TRIP12: variants seen among roughly 807,000 people sequenced by gnomAD.
TRIP12 encodes the protein thyroid hormone receptor interactor 12.
In TRIP12, 25 loss-of-function variants were observed where a neutral mutation model predicts 244.2. The ratio of observed to expected loss-of-function variants is 0.10; its 90% CI spans 0.07 to 0.14. The LOEUF is 0.14. Among genes scored for constraint, TRIP12 ranks in the 10% least tolerant of loss-of-function variants. The pLI is 1.00. For synonymous variants in TRIP12, 905 were observed against 873.1 expected (o/e 1.04, Z -0.64); for missense variants, 1,677 against 2,486.4 (o/e 0.67, Z 6.92).
intron 1 of TRIP12, among the ~76,000 whole-genome samples, chr2:229,904,220 C>A (rs944935967): frequency 6.6e-6 from 1 of 151,824 alleles, no homozygotes; most frequent in Non-Finnish European, 1.5e-5. Flanking sequence ...AAGTTTGAAA[C>A]CAACCCAGTC....
chr2:229,849,694 C>G (rs2058275192), intron 4 of TRIP12, among the ~76,000 whole-genome samples: 1 of 151,782 alleles, frequency 6.6e-6, no homozygotes, highest in South Asian at 2.1e-4. Flanking sequence ...GAGACCTCAT[C>G]TCTACAAAAA....
At chr2:229,797,286 G>A (rs1198937626) in intron 24 of TRIP12, among the ~76,000 whole-genome samples, 1 of 151,984 alleles carries the variant, frequency 6.6e-6, no homozygotes, top group Admixed American at 6.6e-5. Context: ...CAGATGAAAC[G>A]TAAAACACTT....
chr2:229,825,206 G>T (rs2154293743), intron 8 of TRIP12, among the ~76,000 whole-genome samples: 1 of 152,268 alleles, frequency 6.6e-6, no homozygotes, highest in East Asian at 1.9e-4. Flanking sequence ...TGGGAATTAG[G>T]ACACTCACCA....
intron 33 of TRIP12, among the ~76,000 whole-genome samples, chr2:229,787,098 T>C (rs2040287030): frequency 1.3e-5 from 2 of 152,218 alleles, no homozygotes; most frequent in South Asian, 2.1e-4. Context: ...GCTCTTCTAA[T>C]TGGAGTGACT....
chr2:229,803,425 T>C (rs970966275), intron 20 of TRIP12, 146 bp downstream of exon 20: 10 of 521,614 alleles, frequency 1.9e-5, no homozygotes, highest in Non-Finnish European at 3.2e-5. Context: ...AAAAGACACA[T>C]TCTACGTACA....
intron 8 of TRIP12, among the ~76,000 whole-genome samples, chr2:229,826,739 G>A (rs887187335): frequency 6.6e-6 from 1 of 152,100 alleles, no homozygotes; most frequent in East Asian, 1.9e-4. Context: ...ATAGGCAGTT[G>A]TAATGCGTAT....
Position 229,836,861 on chromosome 2 carries a change from G to C in TRIP12, c.1257C>G (p.Pro419=), listed in dbSNP as rs780163352. ...GTACCAATCTACCTGCAGCTCCTTG[G>C]GGAGCTTCATCTGTCCGAGCAGCTG... is the stretch of plus-strand genomic sequence containing the variant. The part of the protein sequence containing the change: ...NSSAARTDEA[P]QGAAASSSVA... The change falls in exon 6 of 42, where the codon CCC becomes CCG. Residue 419 remains proline (P), a synonymous_variant. Coordinates refer to ENST00000675903, the MANE Select transcript of TRIP12 (RefSeq NM_001348323.3). 2.5e-6 allele frequency: 4 copies of C among 1,591,814 alleles called. No individual in the cohort carries two copies. Among genetic ancestry groups the C allele is most frequent in the Non-Finnish European group, 3.4e-6 (4 of 1,173,326 alleles).
chr2:229,897,096 C>T (rs1355948438), intron 1 of TRIP12, among the ~76,000 whole-genome samples: 1 of 152,070 alleles, frequency 6.6e-6, no homozygotes, highest in Non-Finnish European at 1.5e-5. Flanking sequence ...AATCTCTGTA[C>T]CTTCAGCTGA....
intron 8 of TRIP12, among the ~76,000 whole-genome samples, chr2:229,824,560 T>C (rs1302953545): frequency 2.0e-5 from 3 of 152,084 alleles, no homozygotes; most frequent in African/African-American, 7.2e-5. Flanking sequence ...ACTATATAAA[T>C]AAACTATGTA....
intron 12 of TRIP12, 94 bp from the exon 13 acceptor site, chr2:229,814,125 A>C: frequency 6.6e-7 from 1 of 1,525,016 alleles, no homozygotes; most frequent in Non-Finnish European, 8.9e-7. Flanking sequence ...TTACTCTGGA[A>C]ACAACATTTG....
chr2:229,811,066 AG>A, intron 14 of TRIP12, 21 bp from the exon 15 acceptor site: 3 of 1,613,746 alleles, frequency 1.9e-6, no homozygotes, highest in Non-Finnish European at 2.5e-6. Flanking sequence ...ACAAGAATAA[AG>A]GAATTATTAC....
At chr2:229,894,846 C>G (rs2154364708) in intron 1 of TRIP12, among the ~76,000 whole-genome samples, 1 of 152,206 alleles carries the variant, frequency 6.6e-6, no homozygotes, top group Non-Finnish European at 1.5e-5. Context: ...ACTTGAGGTG[C>G]CATGTTTCCT....
At chr2:229,906,260 G>A (rs2072747188) in intron 1 of TRIP12, among the ~76,000 whole-genome samples, 1 of 148,938 alleles carries the variant, frequency 6.7e-6, no homozygotes. Context: ...AGCTTGAGAT[G>A]GTGCCACTGC....
intron 39 of TRIP12, among the ~76,000 whole-genome samples, chr2:229,770,599 C>T (rs143719718): frequency 7.9e-5 from 12 of 152,308 alleles, no homozygotes; most frequent in African/African-American, 2.6e-4. Flanking sequence ...TATCTCACTA[C>T]CAGTGAGTAG....
Position 229,789,653 on chromosome 2 carries a change from T to C in TRIP12, c.4653A>G (p.Arg1551=). The C allele has an allele frequency of 6.2e-7, 1 of 1,614,034 alleles. No homozygotes were observed. The highest frequency in any genetic ancestry group is 8.5e-7 in the Non-Finnish European group (1 of 1,179,970). Residue 1551 remains arginine (R), a synonymous_variant, in exon 31 of 42, where the codon AGA becomes AGG. Transcript: ENST00000675903. ...AGTATCGACTGATAGCATGTAAAAC[T>C]CTTAAAAGAAGGATCACATCTAATG... is the stretch of plus-strand genomic sequence containing the variant. ...DPSLDVILLL[R]VLHAISRYWY...
At chr2:229,784,745 T>C (rs1045626096) in intron 34 of TRIP12, among the ~76,000 whole-genome samples, 2 of 152,164 alleles carry the variant, frequency 1.3e-5, no homozygotes, top group African/African-American at 4.8e-5. Flanking sequence ...CCGCTATACA[T>C]CCACTAGAAT....
At chr2:229,873,603 T>G (rs1246593472) in intron 2 of TRIP12, among the ~76,000 whole-genome samples, 13 of 152,164 alleles carry the variant, frequency 8.5e-5, no homozygotes, top group Admixed American at 8.5e-4. Context: ...AACACAGACT[T>G]TTCTCTGAAT....
chr2:229,826,337 T>C (rs1239763631), intron 8 of TRIP12, among the ~76,000 whole-genome samples: 1 of 152,154 alleles, frequency 6.6e-6, no homozygotes, highest in Non-Finnish European at 1.5e-5. Flanking sequence ...GAAAAGAAGA[T>C]AAAGGCTCGA....
At chr2:229,795,947 A>G (rs2042709149) in intron 25 of TRIP12, among the ~76,000 whole-genome samples, 1 of 152,214 alleles carries the variant, frequency 6.6e-6, no homozygotes, top group Admixed American at 6.5e-5. Flanking sequence ...TAGTGTTAAT[A>G]CATAGGAGAG....
Sources: gnomAD v4.1 joint callset for allele counts (sites outside exome capture counted in the v4.1 genomes callset) on GRCh38, gnomAD v4.1.1 for gene constraint, MANE v1.5 for transcripts, NCBI Gene and HGNC (gene_info 2026-07-23, HGNC 2026-07-21) for gene names.